Variants in SUCLG2 observed in about 807,000 individuals in gnomAD.
The protein encoded by SUCLG2 is succinate--CoA ligase [GDP-forming] subunit beta, mitochondrial.
Under a neutral mutation model 47.9 loss-of-function variants are expected in SUCLG2, and 42 were observed. The observed-to-expected ratio is 0.88, with a 90% CI of 0.69 to 1.14. The LOEUF is 1.14. Ranked by LOEUF, SUCLG2 falls within the 50% of genes most tolerant of loss-of-function variation. SUCLG2 has a pLI of 0.00. For synonymous variants in SUCLG2, 195 were observed against 197.3 expected, an observed-to-expected ratio of 0.99 and a Z score of 0.10; for missense variants, 571 against 525.9, an observed-to-expected ratio of 1.09 and a Z score of -0.84.
chr3:67,362,263 A>C (rs1215704512), intron 10 of SUCLG2, among the ~76,000 whole-genome samples: 1 of 152,102 alleles, frequency 6.6e-6, no homozygotes, highest in Non-Finnish European at 1.5e-5. Context: ...GGATCCTTGC[A>C]CATGCTGTTC....
chr3:67,388,912 G>C (rs529789087), intron 10 of SUCLG2, among the ~76,000 whole-genome samples: 1 of 152,270 alleles, frequency 6.6e-6, no homozygotes, highest in South Asian at 2.1e-4. Context: ...GGAGTGGGTA[G>C]AGGATCAGAA....
intron 10 of SUCLG2, among the ~76,000 whole-genome samples, chr3:67,394,801 C>G (rs1170667152): frequency 6.6e-6 from 1 of 151,520 alleles, no homozygotes; most frequent in African/African-American, 2.4e-5. Context: ...AAAGGGAAGC[C>G]CATCAGACTA....
intron 2 of SUCLG2, among the ~76,000 whole-genome samples, chr3:67,573,875 T>C (rs1374866198): frequency 1.3e-5 from 2 of 152,148 alleles, no homozygotes; most frequent in East Asian, 3.8e-4. Context: ...AAGAGCCCCA[T>C]CTTTAGCTGA....
Position 67,576,984 on chromosome 3 carries a change from T to C in SUCLG2, c.226+32471A>G, listed in dbSNP as rs1017434890. On this transcript the variant is annotated intron_variant, in intron 2 of 10. Coordinates refer to ENST00000307227, the MANE Select transcript of SUCLG2 (RefSeq NM_003848.4). ...ACCTGAGTTTAAAGAACTCTACTGA[T>C]TGATCGACCCAGGTAGATGGTCTAA... 1.2e-4 allele frequency among the ~76,000 whole-genome samples: 19 copies of C among 152,272 alleles called. 1 individual carries two copies. The East Asian group carries it at 1.5e-3, about 12-fold the overall frequency.
chr3:67,510,769 C>T (rs1705765879), intron 6 of SUCLG2, among the ~76,000 whole-genome samples: 1 of 152,040 alleles, frequency 6.6e-6, no homozygotes, highest in Admixed American at 6.5e-5. Context: ...TACAGCACTG[C>T]CTTATTTATC....
At chr3:67,633,372 T>C (rs1335612159) in intron 1 of SUCLG2, among the ~76,000 whole-genome samples, 1 of 152,224 alleles carries the variant, frequency 6.6e-6, no homozygotes, top group Non-Finnish European at 1.5e-5. Context: ...TAAAGTCATT[T>C]ACACAGAGGT....
chr3:67,375,349 T>A lies in SUCLG2; in HGVS notation c.*395A>T, dbSNP rs1326960797. ...TATTAAATATAATCTTGTCTGAGTT[T>A]TTAAATGGTCTGTTTTTCTTTTTCA... On this transcript the variant is annotated 3_prime_UTR_variant, in exon 11 of 11. Transcript: ENST00000307227. 6.1e-6 allele frequency: 6 copies of A among 983,116 alleles called. No individual in the cohort carries two copies. Among genetic ancestry groups the A allele is most frequent in the African/African-American group, 1.7e-5 (1 of 57,316 alleles). The allele number at this position is 983,116 out of a possible 1,614,324, so 60.9% of individuals were successfully genotyped here.
At chr3:67,474,551 A>C (rs1704695185) in intron 9 of SUCLG2, among the ~76,000 whole-genome samples, 1 of 152,214 alleles carries the variant, frequency 6.6e-6, no homozygotes, top group Non-Finnish European at 1.5e-5. Flanking sequence ...CTCAAATTTA[A>C]CTTGCATTAT....
intron 9 of SUCLG2, among the ~76,000 whole-genome samples, chr3:67,487,499 T>TACACACATACACAC (rs1553649721): frequency 7.7e-4 from 116 of 149,922 alleles, no homozygotes; most frequent in Admixed American, 1.8e-3. Flanking sequence ...AACACACATA[T>TACACACATACACAC]ACACACACAC....
Position 67,449,906 on chromosome 3 carries a change from C to A in SUCLG2, c.1062+45892G>T, listed in dbSNP as rs1704014673. Among the ~76,000 whole-genome samples, 2 of 152,136 alleles carry A rather than the reference C, an allele frequency of 1.3e-5. 1 individual carries two copies. The highest frequency in any genetic ancestry group is 4.1e-4 in the South Asian group (2 of 4,826). The stretch of plus-strand genomic sequence containing the variant: ...GGGATTACAGGCATGAGACACTGCA[C>A]TCGGCCATGCTGAATATTTTAAAGC... On this transcript the variant is annotated intron_variant, in intron 9 of 10. Transcript: ENST00000307227.
At chr3:67,462,392 C>G (rs1394144855) in intron 9 of SUCLG2, among the ~76,000 whole-genome samples, 2 of 152,086 alleles carry the variant, frequency 1.3e-5, no homozygotes, top group Non-Finnish European at 2.9e-5. Context: ...CTGGGTGTTC[C>G]CACTCAGTCT....
intron 2 of SUCLG2, among the ~76,000 whole-genome samples, chr3:67,579,655 G>A (rs1318711698): frequency 6.6e-6 from 1 of 152,102 alleles, no homozygotes; most frequent in Non-Finnish European, 1.5e-5. Flanking sequence ...ATTCCAAGCT[G>A]GGCACTAACG....
chr3:67,409,760 G>T (rs1702895018), intron 9 of SUCLG2, among the ~76,000 whole-genome samples: 1 of 151,772 alleles, frequency 6.6e-6, no homozygotes, highest in East Asian at 1.9e-4. Flanking sequence ...TGTATGATTA[G>T]GTATATGTAA....
At chr3:67,465,604 G>A (rs187238510) in intron 9 of SUCLG2, among the ~76,000 whole-genome samples, 37 of 152,250 alleles carry the variant, frequency 2.4e-4, no homozygotes, top group African/African-American at 7.7e-4. Flanking sequence ...GCTTCCCCTG[G>A]GCTGCTCCCA....
At chr3:67,521,448 T>A (rs972796046) in intron 4 of SUCLG2, among the ~76,000 whole-genome samples, 5 of 152,110 alleles carry the variant, frequency 3.3e-5, no homozygotes, top group Admixed American at 6.5e-5. Flanking sequence ...GTCCTTTTGC[T>A]CTGTAGGACT....
chr3:67,543,430 G>T (rs1706771245), intron 2 of SUCLG2, among the ~76,000 whole-genome samples: 1 of 152,164 alleles, frequency 6.6e-6, no homozygotes, highest in Non-Finnish European at 1.5e-5. Flanking sequence ...GATTTGGGAG[G>T]CTGAGACAGG....
At chr3:67,455,752 G>A (rs1704168188) in intron 9 of SUCLG2, among the ~76,000 whole-genome samples, 2 of 152,002 alleles carry the variant, frequency 1.3e-5, no homozygotes, top group Non-Finnish European at 2.9e-5. Flanking sequence ...GAAAAAGCAT[G>A]AGGAATAAAG....
At chr3:67,431,542 G>A (rs1703479989) in intron 9 of SUCLG2, among the ~76,000 whole-genome samples, 1 of 152,100 alleles carries the variant, frequency 6.6e-6, no homozygotes, top group Non-Finnish European at 1.5e-5. Context: ...TATACACCAT[G>A]GAATACTATG....
chr3:67,605,800 C>G (rs1013989218), intron 2 of SUCLG2, among the ~76,000 whole-genome samples: 1 of 152,068 alleles, frequency 6.6e-6, no homozygotes, highest in Admixed American at 6.6e-5. Context: ...GAGAGCATAC[C>G]TGAAGAACTA....
Sources: gnomAD v4.1 joint callset for allele counts (sites outside exome capture counted in the v4.1 genomes callset) on GRCh38, gnomAD v4.1.1 for gene constraint, MANE v1.5 for transcripts, NCBI Gene and HGNC (gene_info 2026-07-23, HGNC 2026-07-21) for gene names.